CADM2: variants seen among roughly 807,000 people sequenced by gnomAD.
The protein encoded by CADM2 is cell adhesion molecule 2, also known as immunoglobulin superfamily member 4D.
Under a neutral mutation model 49.8 loss-of-function variants are expected in CADM2, and 12 were observed. The observed-to-expected ratio is 0.24, with a 90% CI of 0.15 to 0.39. The LOEUF (loss-of-function observed/expected upper bound fraction) is 0.39. Ranked by LOEUF, CADM2 falls within the 10% of genes least tolerant of loss-of-function variation. The probability of loss-of-function intolerance (pLI) is 1.00; values close to 1 mark genes in which losing one functional copy is unlikely to be tolerated. For synonymous variants in CADM2, 214 were observed against 175.4 expected, an observed-to-expected ratio of 1.22 and a Z score of -1.74; for missense variants, 378 against 492.3, an observed-to-expected ratio of 0.77 and a Z score of 2.20.
chr3:85,472,027 G>T (rs917832725), intron 1 of CADM2, among the ~76,000 whole-genome samples: 2 of 151,848 alleles, frequency 1.3e-5, no homozygotes, highest in South Asian at 4.1e-4. Context: ...TTAGTGAAGA[G>T]AACCTTGAAA....
chr3:86,011,242 T>C (rs985904785), intron 8 of CADM2, among the ~76,000 whole-genome samples: 2 of 152,044 alleles, frequency 1.3e-5, no homozygotes, highest in Non-Finnish European at 2.9e-5. Flanking sequence ...CTAAATGAAA[T>C]ACTAGCAAAT....
intron 8 of CADM2, among the ~76,000 whole-genome samples, chr3:85,969,017 C>T (rs573244415): frequency 2.2e-4 from 33 of 151,728 alleles, no homozygotes; most frequent in Non-Finnish European, 4.0e-4. Flanking sequence ...GTTCCATCAA[C>T]GTTGCTTCCA....
chr3:85,287,906 A>G (rs902364528), intron 1 of CADM2, among the ~76,000 whole-genome samples: 1 of 140,262 alleles, frequency 7.1e-6, no homozygotes, highest in Non-Finnish European at 1.5e-5. Flanking sequence ...ATGAGAACAC[A>G]TGGACACAGG....
chr3:84,974,681 T>A (rs1351691639), intron 1 of CADM2, among the ~76,000 whole-genome samples: 1 of 151,974 alleles, frequency 6.6e-6, no homozygotes, highest in Non-Finnish European at 1.5e-5. Flanking sequence ...ACTAACCAAC[T>A]AAGTTTATAT....
intron 1 of CADM2, among the ~76,000 whole-genome samples, chr3:84,968,621 C>T (rs2031188566): frequency 1.3e-5 from 2 of 152,056 alleles, no homozygotes; most frequent in African/African-American, 4.8e-5. Flanking sequence ...AATACAGTAT[C>T]TGTTATTTCT....
At chr3:85,045,203 A>G (rs2035606502) in intron 1 of CADM2, among the ~76,000 whole-genome samples, 1 of 152,168 alleles carries the variant, frequency 6.6e-6, no homozygotes, top group Non-Finnish European at 1.5e-5. Flanking sequence ...CTGAAGCTGA[A>G]TATGCTATTA....
At chr3:85,673,929 A>G (rs1449993317) in intron 1 of CADM2, among the ~76,000 whole-genome samples, 1 of 152,192 alleles carries the variant, frequency 6.6e-6, no homozygotes, top group Non-Finnish European at 1.5e-5. Context: ...CAGAAAATCC[A>G]TAAATGAAAA....
intron 1 of CADM2, among the ~76,000 whole-genome samples, chr3:85,524,386 A>G (rs117804370): frequency 1.3e-5 from 2 of 152,138 alleles, no homozygotes; most frequent in East Asian, 3.9e-4. Context: ...CATTTTACCC[A>G]TTGTGACACC....
rs947221909 is a variant in CADM2, at chr3:85,932,981, A to G, written c.701-2786A>G. On this transcript the variant is annotated intron_variant, in intron 6 of 9. Transcript: ENST00000383699. ...AGATCTAAAGGGAATGCTGAATCAT[A>G]CTTCAAGGGAACATTTGTTACACAG... Among the ~76,000 whole-genome samples the G allele has an allele frequency of 1.1e-4, 16 of 152,142 alleles. 1 individual carries two copies. The highest frequency in any genetic ancestry group is 3.3e-4 in the Admixed American group (5 of 15,238).
At chr3:86,035,373 T>C (rs1392266249) in intron 8 of CADM2, among the ~76,000 whole-genome samples, 1 of 152,066 alleles carries the variant, frequency 6.6e-6, no homozygotes, top group Non-Finnish European at 1.5e-5. Context: ...CTGACCTAGA[T>C]GTTTGTTCTA....
At chr3:85,398,370 G>GT (rs1402539669) in intron 1 of CADM2, among the ~76,000 whole-genome samples, 1 of 152,128 alleles carries the variant, frequency 6.6e-6, no homozygotes, top group Non-Finnish European at 1.5e-5. Flanking sequence ...TTTCCATGGT[G>GT]TATATGTGTC....
At chr3:85,412,230 T>G (rs1241455076) in intron 1 of CADM2, among the ~76,000 whole-genome samples, 2 of 152,192 alleles carry the variant, frequency 1.3e-5, no homozygotes, top group African/African-American at 2.4e-5. Context: ...TGATATGTAT[T>G]GAATCTCAAT....
chr3:85,077,166 T>C (rs1223192785), intron 1 of CADM2, among the ~76,000 whole-genome samples: 8 of 152,192 alleles, frequency 5.3e-5, no homozygotes, highest in Non-Finnish European at 1.0e-4. Flanking sequence ...CTGGAAGTTA[T>C]GTATTGTATC....
intron 1 of CADM2, among the ~76,000 whole-genome samples, chr3:85,709,449 T>C (rs2067048492): frequency 6.6e-6 from 1 of 152,128 alleles, no homozygotes; most frequent in Non-Finnish European, 1.5e-5. Flanking sequence ...ATAGTTTATT[T>C]CTCTCTAAGA....
At chr3:85,489,788 C>CGTGTGT (rs765287422) in intron 1 of CADM2, among the ~76,000 whole-genome samples, 7 of 143,516 alleles carry the variant, frequency 4.9e-5, no homozygotes, top group African/African-American at 1.8e-4. Context: ...AATTATTTAA[C>CGTGTGT]GTGTGTGTGT....
At chr3:85,615,838 T>C (rs1230626510) in intron 1 of CADM2, among the ~76,000 whole-genome samples, 3 of 151,974 alleles carry the variant, frequency 2.0e-5, no homozygotes, top group African/African-American at 7.2e-5. Flanking sequence ...TCAGATAATT[T>C]ATACTTTTAT....
chr3:85,773,200 CAGA>C (rs1408322710), intron 2 of CADM2, among the ~76,000 whole-genome samples: 1 of 151,932 alleles, frequency 6.6e-6, no homozygotes, highest in African/African-American at 2.4e-5. Context: ...CATAGTCAGC[CAGA>C]AGAAGAAGAA....
At chr3:86,045,497 C>T (rs1258651236) in intron 8 of CADM2, among the ~76,000 whole-genome samples, 2 of 152,144 alleles carry the variant, frequency 1.3e-5, no homozygotes, top group Admixed American at 6.5e-5. Context: ...TAATTCTCAA[C>T]TGCCCTGAAA....
chr3:85,151,495 C>A (rs9873305), intron 1 of CADM2, among the ~76,000 whole-genome samples: 29 of 152,174 alleles, frequency 1.9e-4, no homozygotes, highest in African/African-American at 6.3e-4. Context: ...CTTTCAAATG[C>A]TAACAGTCTT....
Sources: allele counts gnomAD v4.1 joint callset (sites outside exome capture counted in the v4.1 genomes callset), GRCh38; gene constraint gnomAD v4.1.1; transcripts MANE v1.5; gene names NCBI Gene and HGNC (gene_info 2026-07-23, HGNC 2026-07-21).